Variants in ARID4B observed in about 807,000 individuals in gnomAD.
ARID4B encodes AT-rich interactive domain-containing protein 4B.
In ARID4B, 26 loss-of-function variants were observed where a neutral mutation model predicts 147.5. The observed-to-expected ratio is 0.18, with a 90% CI of 0.13 to 0.24. The LOEUF (loss-of-function observed/expected upper bound fraction) is 0.24, where lower values mean the gene tolerates loss of function less well. ARID4B is among the 10% of genes least tolerant of loss of function. ARID4B has a pLI of 1.00. For synonymous variants in ARID4B, 512 were observed against 507.9 expected, an observed-to-expected ratio of 1.01 and a Z score of -0.11; for missense variants, 1,179 against 1,511.5, an observed-to-expected ratio of 0.78 and a Z score of 3.65.
At chr1:235,183,051 A>G in intron 19 of ARID4B, among the ~76,000 whole-genome samples, 1 of 152,180 alleles carries the variant, frequency 6.6e-6, no homozygotes, top group South Asian at 2.1e-4. Flanking sequence ...TTTTAAACAT[A>G]AAAGTCATCA....
intron 23 of ARID4B, among the ~76,000 whole-genome samples, chr1:235,169,682 A>G (rs1663198710): frequency 7.2e-6 from 1 of 138,812 alleles, no homozygotes. Context: ...TTCCTTTGAG[A>G]TGGGGGTCTT....
chr1:235,280,687 T>TC (rs888605062), intron 2 of ARID4B, among the ~76,000 whole-genome samples: 2 of 152,110 alleles, frequency 1.3e-5, no homozygotes, highest in African/African-American at 4.8e-5. Context: ...GGGCGCAGGG[T>TC]GGGGCTGCCA....
intron 2 of ARID4B, among the ~76,000 whole-genome samples, chr1:235,278,817 T>C (rs1671497992): frequency 6.6e-6 from 1 of 152,240 alleles, no homozygotes; most frequent in Admixed American, 6.5e-5. Flanking sequence ...ATGGGAATTT[T>C]ACAGATTACA....
chr1:235,239,431 A>G (rs1668839915), intron 8 of ARID4B, among the ~76,000 whole-genome samples: 1 of 152,246 alleles, frequency 6.6e-6, no homozygotes, highest in Admixed American at 6.5e-5. Context: ...GCTAATTATT[A>G]GTTGAACCTC....
intron 20 of ARID4B, among the ~76,000 whole-genome samples, chr1:235,178,739 A>C (rs1221669820): frequency 2.0e-5 from 3 of 152,120 alleles, no homozygotes; most frequent in Non-Finnish European, 4.4e-5. Context: ...GAGACTAATA[A>C]AGTACTATCT....
chr1:235,300,107 G>A (rs1673013113), intron 2 of ARID4B, among the ~76,000 whole-genome samples: 1 of 152,066 alleles, frequency 6.6e-6, no homozygotes, highest in South Asian at 2.1e-4. Context: ...CCAATAAGCG[G>A]TGTGACTGTC....
At chr1:235,183,797 T>C (rs1664488383) in intron 19 of ARID4B, among the ~76,000 whole-genome samples, 1 of 151,958 alleles carries the variant, frequency 6.6e-6, no homozygotes, top group Non-Finnish European at 1.5e-5. Context: ...TATTTCTCTC[T>C]CTCTCTCTAT....
rs377297065 is a variant in ARID4B at position 235,182,242 on chromosome 1, C to T, written c.2677G>A (p.Gly893Ser). 6.2e-7 allele frequency: 1 copy of T among 1,613,196 alleles called. No homozygotes were observed. Among genetic ancestry groups the T allele is most frequent in the Admixed American group, 1.7e-5 (1 of 59,754 alleles). ...ACTTCTGAAAATCCTGAATAGAAAC[C>T]AGTTGTCCGTAGAGATTTTCTTTTT... ...EEKRKSLRTT[G>S]FYSGFSEVAE... The change falls in exon 20 of 24, where the codon GGT (glycine) becomes AGT (serine). Residue 893 changes from glycine to serine, a missense_variant. Around this residue, in one of 10 missense-constraint regions of ARID4B, gnomAD observed 321 missense variants for 342.4 expected, o/e 0.94. Transcript: ENST00000264183.
At chr1:235,220,242 A>G in intron 15 of ARID4B, 60 bp downstream of exon 15, 1 of 1,461,146 alleles carries the variant, frequency 6.8e-7, no homozygotes. Context: ...TTGGAACTTT[A>G]TAGAGGATAT....
intron 19 of ARID4B, among the ~76,000 whole-genome samples, chr1:235,193,716 C>A (rs1392078154): frequency 1.3e-5 from 2 of 152,140 alleles, no homozygotes; most frequent in Admixed American, 1.3e-4. Context: ...CAAAATCATA[C>A]ACTTTTTGAG....
intron 2 of ARID4B, among the ~76,000 whole-genome samples, chr1:235,284,426 G>A (rs545526514): frequency 1.3e-5 from 2 of 152,300 alleles, no homozygotes; most frequent in African/African-American, 4.8e-5. Flanking sequence ...AATTGATGAT[G>A]CAATGTGATG....
In ARID4B at chr1:235,194,230, T is replaced by A. The variant is rs1211063113; in HGVS notation, c.1927-19A>T. 6.5e-7 allele frequency: 1 copy of A among 1,537,548 alleles called. No individual in the cohort carries two copies. The highest frequency in any genetic ancestry group is 2.3e-5 in the East Asian group (1 of 44,410). On this transcript the variant is annotated intron_variant, in intron 18 of 23. Coordinates refer to ENST00000264183, the MANE Select transcript of ARID4B (RefSeq NM_016374.6). ...ATTTATTCTAGGTTAAGAAAAAAAG[T>A]ATGTCGTAATTTATCATAAGGCATT...
chr1:235,319,022 A>T (rs1463992415), intron 2 of ARID4B, among the ~76,000 whole-genome samples: 1 of 152,182 alleles, frequency 6.6e-6, no homozygotes, highest in Non-Finnish European at 1.5e-5. Context: ...AGGGATAAGT[A>T]ACGTGCCTGA....
Position 235,174,749 on chromosome 1 carries a change from T to A in ARID4B, c.3664+435A>T, listed in dbSNP as rs1363197054. Among the ~76,000 whole-genome samples the A allele has an allele frequency of 3.6e-4, 54 of 149,978 alleles. 1 individual carries two copies. Among genetic ancestry groups the A allele is most frequent in the Non-Finnish European group, 1.5e-5 (1 of 67,456 alleles). ...ATCATTTGAACCAGGGAGATGGAGGTTGCAGTGAGCAGAGACTATGCCACT... is the reference window on the plus strand; with the variant it reads ...ATCATTTGAACCAGGGAGATGGAGGATGCAGTGAGCAGAGACTATGCCACT... On this transcript the variant is annotated intron_variant, in intron 22 of 23. Coordinates refer to ENST00000264183, the MANE Select transcript of ARID4B (RefSeq NM_016374.6).
intron 6 of ARID4B, among the ~76,000 whole-genome samples, chr1:235,250,619 T>C (rs1349073734): frequency 6.6e-6 from 1 of 152,188 alleles, no homozygotes; most frequent in East Asian, 1.9e-4. Context: ...AGTTCCATGT[T>C]TACATGGGTT....
chr1:235,304,379 A>C (rs1294227712), intron 2 of ARID4B, among the ~76,000 whole-genome samples: 5 of 149,324 alleles, frequency 3.3e-5, no homozygotes, highest in Non-Finnish European at 7.4e-5. Flanking sequence ...AAATGACAAC[A>C]TTAACTTCAA....
chr1:235,170,755 T>G lies in ARID4B; in HGVS notation c.3811+1863A>C, dbSNP rs528559646. On this transcript the variant is annotated intron_variant, in intron 23 of 23. Coordinates refer to ENST00000264183, the MANE Select transcript of ARID4B (RefSeq NM_016374.6). Reference sequence around the variant, plus strand: ...TCTGTCTCAAAAATTAATAATAATATTACAAAAATTAGCTGGGCATGGCGG... The same window carrying G: ...TCTGTCTCAAAAATTAATAATAATAGTACAAAAATTAGCTGGGCATGGCGG... Among the ~76,000 whole-genome samples the G allele has an allele frequency of 2.0e-5, 3 of 150,206 alleles. No individual in the cohort carries two copies. In the East Asian group the frequency reaches 5.9e-4, roughly 29 times the overall value.
chr1:235,240,628 A>G, intron 7 of ARID4B, 177 bp from the exon 8 acceptor site: 2 of 626,574 alleles, frequency 3.2e-6, no homozygotes, highest in Non-Finnish European at 5.4e-6. Flanking sequence ...GTTTATCATG[A>G]GAGGAAAGCA....
At chr1:235,219,472 A>G (rs560128468) in intron 16 of ARID4B, among the ~76,000 whole-genome samples, 1 of 152,336 alleles carries the variant, frequency 6.6e-6, no homozygotes, top group Non-Finnish European at 1.5e-5. Context: ...GCCAACATAC[A>G]ATATATAAAA....
Sources: gnomAD v4.1 joint callset for allele counts (sites outside exome capture counted in the v4.1 genomes callset) on GRCh38, gnomAD v4.1.1 for gene constraint, gnomAD v4.1.1 regional missense constraint, MANE v1.5 for transcripts, NCBI Gene and HGNC (gene_info 2026-07-23, HGNC 2026-07-21) for gene names.